SLC44A1: variants seen among roughly 807,000 people sequenced by gnomAD.
SLC44A1 encodes the protein choline transporter-like protein 1.
SLC44A1 carries 26 observed loss-of-function variants against 79.3 expected under a neutral mutation model. The ratio of observed to expected loss-of-function variants is 0.33; its 90% CI spans 0.24 to 0.46. The LOEUF (loss-of-function observed/expected upper bound fraction) is 0.46, where lower values mean the gene tolerates loss of function less well. Ranked by LOEUF, SLC44A1 falls within the 20% of genes least tolerant of loss-of-function variation. SLC44A1 has a pLI of 1.00. For missense variants in SLC44A1, 688 were observed against 798.1 expected, an observed-to-expected ratio of 0.86 and a Z score of 1.66; for synonymous variants, 263 against 286.2, an observed-to-expected ratio of 0.92 and a Z score of 0.82.
chr9:105,408,637 C>T (rs1031152373), intron 15 of SLC44A1, among the ~76,000 whole-genome samples: 2 of 152,176 alleles, frequency 1.3e-5, no homozygotes, highest in Non-Finnish European at 2.9e-5. Context: ...TCTCGAACTC[C>T]TGACCTCAGG....
chr9:105,301,834 C>T (rs763888579), intron 2 of SLC44A1, among the ~76,000 whole-genome samples: 8 of 152,136 alleles, frequency 5.3e-5, no homozygotes, highest in African/African-American at 1.2e-4. Context: ...TCCTTTTAAT[C>T]GAGTGGCCCA....
chr9:105,256,715 A>G (rs754245963), intron 1 of SLC44A1, among the ~76,000 whole-genome samples: 2 of 150,240 alleles, frequency 1.3e-5, no homozygotes, highest in African/African-American at 2.5e-5. Context: ...GGCATGCACT[A>G]CCACGCCCAG....
intron 1 of SLC44A1, among the ~76,000 whole-genome samples, chr9:105,298,086 C>T (rs917114446): frequency 1.3e-5 from 2 of 151,256 alleles, no homozygotes; most frequent in Admixed American, 1.3e-4. Flanking sequence ...TGAGCTGACC[C>T]GAGATCCTAA....
At chr9:105,277,052 A>T (rs1458391589) in intron 1 of SLC44A1, among the ~76,000 whole-genome samples, 2 of 152,226 alleles carry the variant, frequency 1.3e-5, no homozygotes, top group Admixed American at 1.3e-4. Flanking sequence ...GAGTGGTAGC[A>T]GTGGAGAACT....
intron 3 of SLC44A1, among the ~76,000 whole-genome samples, chr9:105,324,977 T>C (rs1285808123): frequency 6.6e-6 from 1 of 152,222 alleles, no homozygotes; most frequent in Non-Finnish European, 1.5e-5. Context: ...AGTTACCATA[T>C]GATCCAGCAA....
At chr9:105,397,414 C>T, downstream of SLC44A1, 1 of 952,428 alleles carries the variant, frequency 1.0e-6, no homozygotes, top group Non-Finnish European at 1.3e-6. Context: ...TCATGGGCAA[C>T]ATCTTCGTTT....
intron 13 of SLC44A1, among the ~76,000 whole-genome samples, chr9:105,375,565 G>A (rs1828253347): frequency 2.0e-5 from 3 of 152,152 alleles, no homozygotes; most frequent in South Asian, 2.1e-4. Context: ...TTAATGCATT[G>A]TTAATACATG....
intron 15 of SLC44A1, among the ~76,000 whole-genome samples, chr9:105,425,027 C>A (rs531474508): frequency 6.6e-6 from 1 of 151,326 alleles, no homozygotes; most frequent in East Asian, 1.9e-4. Context: ...ACCATGGTAA[C>A]ACCTCACAGA....
At position 105,342,238 on chromosome 9, in the gene SLC44A1, T is replaced by C. The variant is rs564945830; in HGVS notation, c.407-6120T>C. On this transcript the variant is annotated intron_variant, in intron 4 of 15. Coordinates refer to ENST00000374720, the MANE Select transcript of SLC44A1 (RefSeq NM_080546.5). Reference sequence around the variant, plus strand: ...CAAAAATAATTCATAAGTTTTACATTGTGCACTTTGCTTAGTAGCATGATG... The same window carrying C: ...CAAAAATAATTCATAAGTTTTACATCGTGCACTTTGCTTAGTAGCATGATG... Among the ~76,000 whole-genome samples the C allele has an allele frequency of 4.6e-5, 7 of 152,218 alleles. 1 individual carries two copies. Among genetic ancestry groups the C allele is most frequent in the Non-Finnish European group, 8.8e-5 (6 of 68,042 alleles).
In SLC44A1 at chr9:105,304,944, G is replaced by GTTTTTTTTTGTT. The variant is rs1554790127; in HGVS notation, c.127-4771_127-4770insGTTTTTTTTTTT. Among the ~76,000 whole-genome samples, 20 of 20,078 alleles carry GTTTTTTTTTGTT rather than the reference G, an allele frequency of 1.0e-3. 6 individuals carry two copies. The highest frequency in any genetic ancestry group is 1.2e-3 in the African/African-American group (9 of 7,274). 13.2% of individuals were successfully genotyped at this position (20,078 alleles called of 152,430 possible). On this transcript the variant is annotated intron_variant, in intron 2 of 15. Transcript: ENST00000374720. ...GTAGTTATTCCCTAGACTTTCTATC[G>GTTTTTTTTTGTT]TTTTTTTTTTTTTTTTTTTTTTTTT... is the stretch of plus-strand genomic sequence containing the variant.
Position 105,389,511 on chromosome 9 carries a change from A to C in SLC44A1, c.*455A>C, listed in dbSNP as rs1457245826. 9.5e-7 allele frequency: 1 copy of C among 1,053,354 alleles called. No homozygotes were observed. Among genetic ancestry groups the C allele is most frequent in the East Asian group, 7.4e-5 (1 of 13,498 alleles). 65.3% of individuals were successfully genotyped at this position (1,053,354 alleles called of 1,614,324 possible). A position where few individuals can be genotyped will look rare whatever the true frequency, so the allele number is the denominator to read the frequency against. On this transcript the variant is annotated 3_prime_UTR_variant, in exon 16 of 16. Transcript: ENST00000374720. ...CTTATTTTACTGATGCATAAGTCCT[A>C]GTGGGTCAAGACTAGGCATATGCTT...
intron 3 of SLC44A1, among the ~76,000 whole-genome samples, chr9:105,317,256 C>T (rs759894671): frequency 3.4e-4 from 52 of 152,232 alleles, no homozygotes; most frequent in Admixed American, 9.8e-4. Flanking sequence ...CTTAGGGCAG[C>T]ATCTTGGTTG....
rs559024625 is a variant in SLC44A1 at position 105,253,873 on chromosome 9, G to A, written c.36+8969G>A. ...CAAGTAGCTTGGACTACAGGTACCC[G>A]CCACCACACCTGGCTAATTTTATGT... On this transcript the variant is annotated intron_variant, in intron 1 of 15. Coordinates refer to ENST00000374720, the MANE Select transcript of SLC44A1 (RefSeq NM_080546.5). Among the ~76,000 whole-genome samples the A allele has an allele frequency of 5.3e-5, 8 of 152,116 alleles. No homozygotes were observed. The East Asian group carries it at 1.4e-3, about 26-fold the overall frequency.
At position 105,397,077 on chromosome 9, in the gene SLC44A1, G is replaced by T; in HGVS notation, c.*8021G>T. On this transcript the variant is annotated 3_prime_UTR_variant, in exon 16 of 16. Transcript: ENST00000374720. ...TTAAGCAATTAACTTTCTGGAGTTG[G>T]AGTTATCAAATCTTGCTGGGAAATT... The T allele has an allele frequency of 4.1e-6, 4 of 985,362 alleles. No homozygotes were observed. The highest frequency in any genetic ancestry group is 4.8e-6 in the Non-Finnish European group (4 of 829,890). 61.0% of individuals were successfully genotyped at this position (985,362 alleles called of 1,614,324 possible).
intron 4 of SLC44A1, among the ~76,000 whole-genome samples, chr9:105,346,003 A>C (rs1216459524): frequency 2.6e-5 from 4 of 152,056 alleles, no homozygotes; most frequent in African/African-American, 4.8e-5. Context: ...AAAAAAAAAA[A>C]AAAAACACAT....
chr9:105,260,320 T>C (rs373745933), intron 1 of SLC44A1, among the ~76,000 whole-genome samples: 22 of 152,210 alleles, frequency 1.4e-4, no homozygotes, highest in African/African-American at 5.3e-4. Context: ...ATTGGACTTA[T>C]CTGTCCTTTA....
At chr9:105,388,895 G>A in intron 15 of SLC44A1, 138 bp from the exon 16 acceptor site, 1 of 683,090 alleles carries the variant, frequency 1.5e-6, no homozygotes, top group Non-Finnish European at 2.7e-6. Context: ...TTCAGCTCCA[G>A]GAATTCAGGG....
intron 1 of SLC44A1, among the ~76,000 whole-genome samples, chr9:105,292,161 CTG>C (rs1209894436): frequency 6.6e-6 from 1 of 152,148 alleles, no homozygotes; most frequent in African/African-American, 2.4e-5. Context: ...CTGGCTTAGT[CTG>C]GGGGAATGCC....
chr9:105,379,407 T>C (rs1418953277), intron 13 of SLC44A1, among the ~76,000 whole-genome samples: 2 of 152,202 alleles, frequency 1.3e-5, no homozygotes, highest in African/African-American at 2.4e-5. Flanking sequence ...ATATTCTGCA[T>C]CTTCACAGTA....
Sources: allele counts gnomAD v4.1 joint callset (sites outside exome capture counted in the v4.1 genomes callset), GRCh38; gene constraint gnomAD v4.1.1; transcripts MANE v1.5; gene names NCBI Gene and HGNC (gene_info 2026-07-23, HGNC 2026-07-21).